The following RNGTT variants were observed in gnomAD, a reference collection of about 807,000 sequenced individuals.
RNGTT encodes the protein mRNA-capping enzyme.
In RNGTT, 33 loss-of-function variants were observed where a neutral mutation model predicts 79.3. That is an observed-to-expected ratio of 0.42 (90% CI 0.32 to 0.56). RNGTT has a LOEUF of 0.56. RNGTT is among the 20% of genes least tolerant of loss of function. The pLI is 0.17. For synonymous variants in RNGTT, 222 were observed against 235.9 expected, an observed-to-expected ratio of 0.94 and a Z score of 0.54; for missense variants, 497 against 739.1, an observed-to-expected ratio of 0.67 and a Z score of 3.80.
chr6:88,771,336 TATATATATATATATAC>T (rs1254144102), intron 12 of RNGTT, among the ~76,000 whole-genome samples: 1 of 118,256 alleles, frequency 8.5e-6, no homozygotes, highest in Non-Finnish European at 1.8e-5. Context: ...TATATATATA[TATATATATATATATAC>T]ACACACACAC....
At chr6:88,637,344 G>A (rs1773136628) in intron 14 of RNGTT, among the ~76,000 whole-genome samples, 1 of 152,030 alleles carries the variant, frequency 6.6e-6, no homozygotes, top group South Asian at 2.1e-4. Flanking sequence ...AGTAAATGAA[G>A]AAAAATAATA....
chr6:88,612,330 T>TA lies in RNGTT; in HGVS notation c.*388dup, dbSNP rs1218500259. ...TTTGCTACAGTTGTAACACAACTTCTAAAAAATACTGTTTTATGGGCTCAC... is the reference window on the plus strand; with the variant it reads ...TTTGCTACAGTTGTAACACAACTTCTAAAAAAATACTGTTTTATGGGCTCAC... On this transcript the variant is annotated 3_prime_UTR_variant, in exon 16 of 16. Coordinates refer to ENST00000369485, the MANE Select transcript of RNGTT (RefSeq NM_003800.5). 1.3e-5 allele frequency: 2 copies of TA among 155,234 alleles called. No individual in the cohort carries two copies. Among genetic ancestry groups the TA allele is most frequent in the African/African-American group, 4.8e-5 (2 of 41,552 alleles). 9.6% of individuals were successfully genotyped at this position (155,234 alleles called of 1,614,324 possible).
intron 14 of RNGTT, among the ~76,000 whole-genome samples, chr6:88,626,541 A>C (rs73752978): frequency 0.022 from 3,321 of 152,148 alleles, 102 homozygotes; most frequent in African/African-American, 0.076. Flanking sequence ...GGCATAATAC[A>C]TTGGCTTGAA....
intron 14 of RNGTT, among the ~76,000 whole-genome samples, chr6:88,669,467 T>A (rs1389522655): frequency 5.9e-5 from 9 of 152,184 alleles, no homozygotes; most frequent in Admixed American, 5.9e-4. Flanking sequence ...CAATACTGCT[T>A]AGCTAGAGAA....
chr6:88,913,956 A>C (rs1783916205), intron 4 of RNGTT, among the ~76,000 whole-genome samples: 1 of 152,204 alleles, frequency 6.6e-6, no homozygotes, highest in South Asian at 2.1e-4. Flanking sequence ...CAAAATCTAC[A>C]TACAAAAATC....
intron 8 of RNGTT, among the ~76,000 whole-genome samples, chr6:88,855,460 AG>A (rs1781813326): frequency 1.3e-5 from 2 of 151,980 alleles, no homozygotes; most frequent in Admixed American, 1.3e-4. Flanking sequence ...TAGATTGTGA[AG>A]TATGTTGTTC....
At chr6:88,833,935 C>T (rs1371056505) in intron 11 of RNGTT, among the ~76,000 whole-genome samples, 1 of 152,112 alleles carries the variant, frequency 6.6e-6, no homozygotes, top group Admixed American at 6.5e-5. Flanking sequence ...GCAGGAGAAT[C>T]GCTTGAACCC....
intron 13 of RNGTT, among the ~76,000 whole-genome samples, chr6:88,689,303 A>T (rs9359804): frequency 0.11 from 16,746 of 152,100 alleles, 1,027 homozygotes; most frequent in Middle Eastern, 0.22. Context: ...TACATTTTTT[A>T]AAAAGTCTAT....
At chr6:88,812,125 C>T (rs1317871903) in intron 11 of RNGTT, among the ~76,000 whole-genome samples, 1 of 152,180 alleles carries the variant, frequency 6.6e-6, no homozygotes, top group Non-Finnish European at 1.5e-5. Flanking sequence ...AAAAGAATGA[C>T]TTGATTGCCA....
At chr6:88,659,908 A>C (rs1352031604) in intron 14 of RNGTT, among the ~76,000 whole-genome samples, 1 of 152,226 alleles carries the variant, frequency 6.6e-6, no homozygotes, top group Non-Finnish European at 1.5e-5. Context: ...AGACAAAAGC[A>C]TCAGGTAACC....
intron 11 of RNGTT, among the ~76,000 whole-genome samples, chr6:88,817,490 T>TAAAAAAAAAAAAAAAAAAAAAA (rs11354100): frequency 2.2e-5 from 1 of 44,564 alleles, no homozygotes; most frequent in African/African-American, 9.7e-5. Flanking sequence ...AAAAAATAAG[T>TAAAAAAAAAAAAAAAAAAAAAA]AAAAAAAAAA....
chr6:88,692,004 G>T (rs1163834509), intron 13 of RNGTT, among the ~76,000 whole-genome samples: 1 of 152,096 alleles, frequency 6.6e-6, no homozygotes, highest in Non-Finnish European at 1.5e-5. Flanking sequence ...TTGGCATAAT[G>T]ATTTTAAATA....
At chr6:88,813,581 A>T (rs1223566601) in intron 11 of RNGTT, among the ~76,000 whole-genome samples, 2 of 152,186 alleles carry the variant, frequency 1.3e-5, no homozygotes, top group African/African-American at 4.8e-5. Context: ...TTTTAGCCTC[A>T]TAATTACCAT....
chr6:88,888,103 T>G (rs1328723083), intron 8 of RNGTT, among the ~76,000 whole-genome samples: 1 of 151,660 alleles, frequency 6.6e-6, no homozygotes, highest in Non-Finnish European at 1.5e-5. Context: ...GGCAACAGAG[T>G]GAGGACCCTG....
chr6:88,715,816 C>A (rs931301974), intron 13 of RNGTT, among the ~76,000 whole-genome samples: 1 of 152,120 alleles, frequency 6.6e-6, no homozygotes, highest in Non-Finnish European at 1.5e-5. Flanking sequence ...TAAATTAATT[C>A]AAGATGGATT....
chr6:88,744,050 T>C (rs1257545556), intron 13 of RNGTT, among the ~76,000 whole-genome samples: 1 of 152,178 alleles, frequency 6.6e-6, no homozygotes, highest in Admixed American at 6.6e-5. Context: ...AAAAATACCA[T>C]ATTTAAGCTA....
chr6:88,737,723 C>T (rs572710313), intron 13 of RNGTT, among the ~76,000 whole-genome samples: 1 of 152,230 alleles, frequency 6.6e-6, no homozygotes, highest in East Asian at 1.9e-4. Context: ...GGGGCAGAAC[C>T]CTTGCCAAAC....
At chr6:88,772,337 G>C (rs1379899134) in intron 12 of RNGTT, among the ~76,000 whole-genome samples, 2 of 151,618 alleles carry the variant, frequency 1.3e-5, no homozygotes, top group African/African-American at 4.8e-5. Flanking sequence ...AATGTGTTAA[G>C]ATGTCAATAC....
intron 13 of RNGTT, among the ~76,000 whole-genome samples, chr6:88,728,006 C>T (rs1251058928): frequency 6.6e-6 from 1 of 152,118 alleles, no homozygotes; most frequent in Non-Finnish European, 1.5e-5. Context: ...TGCTAACCAC[C>T]GATAATGCTG....
Sources: allele counts gnomAD v4.1 joint callset (sites outside exome capture counted in the v4.1 genomes callset), GRCh38; gene constraint gnomAD v4.1.1; transcripts MANE v1.5; gene names NCBI Gene and HGNC (gene_info 2026-07-23, HGNC 2026-07-21).